The following CPXM2 variants were observed in gnomAD, a reference collection of about 807,000 sequenced individuals.
CPXM2 encodes carboxypeptidase X, M14 family member 2, also known as inactive carboxypeptidase-like protein X2.
A neutral mutation model predicts 86.1 loss-of-function variants in CPXM2; 66 were observed. The observed-to-expected ratio is 0.77, with a 90% CI of 0.63 to 0.94. The LOEUF is 0.94. Ranked by LOEUF, CPXM2 falls within the 40% of genes least tolerant of loss-of-function variation. The pLI is 0.00. For missense variants in CPXM2, 948 were observed against 1,026.3 expected (o/e 0.92, Z 1.04); for synonymous variants, 388 against 400.2 (o/e 0.97, Z 0.36).
At chr10:123,833,976 T>C (rs572877174) in intron 4 of CPXM2, among the ~76,000 whole-genome samples, 1 of 152,288 alleles carries the variant, frequency 6.6e-6, no homozygotes, top group African/African-American at 2.4e-5. Context: ...AATTAACTCA[T>C]TTAATCCCCA....
At chr10:123,918,241 C>A (rs182862190) in intron 2 of CPXM2, among the ~76,000 whole-genome samples, 4 of 152,062 alleles carry the variant, frequency 2.6e-5, no homozygotes, top group Non-Finnish European at 5.9e-5. Flanking sequence ...GACCTAAAAT[C>A]GAATAGGGAG....
chr10:123,822,113 T>G (rs1423171191), intron 4 of CPXM2, among the ~76,000 whole-genome samples: 3 of 152,214 alleles, frequency 2.0e-5, no homozygotes, highest in Non-Finnish European at 4.4e-5. Context: ...TTTTCCACAA[T>G]GGAGCTCAGC....
chr10:123,901,429 TTGTG>T (rs3069582), intron 2 of CPXM2, among the ~76,000 whole-genome samples: 8,330 of 138,924 alleles, frequency 0.06, 287 homozygotes, highest in East Asian at 0.13. Flanking sequence ...CCAAGCAAGT[TTGTG>T]TGTGTGTGTG....
At chr10:123,912,748 T>A (rs1382224769) in intron 2 of CPXM2, among the ~76,000 whole-genome samples, 1 of 152,236 alleles carries the variant, frequency 6.6e-6, no homozygotes, top group Non-Finnish European at 1.5e-5. Context: ...CCCACTTCCA[T>A]CTTTGTGATT....
chr10:123,895,220 T>G (rs1945327453), upstream of CPXM2, among the ~76,000 whole-genome samples: 1 of 149,058 alleles, frequency 6.7e-6, no homozygotes, highest in African/African-American at 2.5e-5. Flanking sequence ...GTCTCCTGGC[T>G]TCAAGCAGTT....
At chr10:123,909,606 A>C (rs1590117341) in intron 2 of CPXM2, among the ~76,000 whole-genome samples, 1 of 152,308 alleles carries the variant, frequency 6.6e-6, no homozygotes, top group East Asian at 1.9e-4. Context: ...TTTCCATTGT[A>C]CGGTACTAAA....
intron 4 of CPXM2, among the ~76,000 whole-genome samples, chr10:123,822,973 A>C (rs1847960964): frequency 6.6e-6 from 1 of 152,198 alleles, no homozygotes; most frequent in African/African-American, 2.4e-5. Context: ...GGAATATATT[A>C]AAAACTGCTG....
intron 2 of CPXM2, among the ~76,000 whole-genome samples, chr10:123,878,751 A>G (rs913208088): frequency 6.6e-6 from 1 of 152,182 alleles, no homozygotes; most frequent in Non-Finnish European, 1.5e-5. Flanking sequence ...GCAGTGAAGA[A>G]GTACCAGGAT....
intron 2 of CPXM2, among the ~76,000 whole-genome samples, chr10:123,913,167 CATAAA>C (rs1219848637): frequency 2.0e-5 from 3 of 152,154 alleles, no homozygotes; most frequent in East Asian, 1.9e-4. Context: ...TGTGTATATA[CATAAA>C]ATAAAAGATG....
intron 13 of CPXM2, chr10:123,752,622 C>A (rs561628813): frequency 7.1e-6 from 7 of 985,022 alleles, no homozygotes; most frequent in Non-Finnish European, 8.4e-6. Context: ...TTTGTTGGCA[C>A]GACAGGATCA....
intron 2 of CPXM2, among the ~76,000 whole-genome samples, chr10:123,930,147 C>T (rs1945655118): frequency 1.3e-5 from 2 of 152,208 alleles, no homozygotes; most frequent in African/African-American, 4.8e-5. Flanking sequence ...CTCACAGTGA[C>T]ACACTTTGAT....
intron 4 of CPXM2, among the ~76,000 whole-genome samples, chr10:123,837,752 G>A (rs569202222): frequency 6.6e-6 from 1 of 152,046 alleles, no homozygotes; most frequent in South Asian, 2.1e-4. Flanking sequence ...TAATGATATT[G>A]GATAATTTAT....
rs973544102 is a variant in CPXM2 at position 123,762,078 on chromosome 10, G to A, written c.1571C>T (p.Ala524Val). The change falls in exon 11 of 14, where the codon GCG (alanine) becomes GTG (valine). Residue 524 changes from alanine to valine, a missense_variant. Physicochemically the swap from Ala to Val is moderately conservative, Grantham distance 64 (BLOSUM62 0). Coordinates refer to ENST00000241305, the MANE Select transcript of CPXM2 (RefSeq NM_198148.3). The part of the protein sequence containing the change: ...GNLQGGELVV[A>V]YPYDLVRSPW... Reference sequence around the variant, plus strand: ...GGACCGCACCAGGTCGTAGGGGTACGCCACCACCAGCTCGCCGCCCTGCAG... The same window carrying A: ...GGACCGCACCAGGTCGTAGGGGTACACCACCACCAGCTCGCCGCCCTGCAG... 9.3e-6 allele frequency: 15 copies of A among 1,613,970 alleles called. No homozygotes were observed. Among genetic ancestry groups the A allele is most frequent in the Admixed American group, 1.7e-5 (1 of 59,998 alleles).
At chr10:123,896,679 G>A (rs55967058), upstream of CPXM2, among the ~76,000 whole-genome samples, 11,022 of 152,178 alleles carry the variant, frequency 0.072, 505 homozygotes, top group Non-Finnish European at 0.09. Context: ...TTTGGCATGA[G>A]ATATTCCATT....
At chr10:123,839,720 G>A (rs932716260) in intron 4 of CPXM2, among the ~76,000 whole-genome samples, 2 of 152,048 alleles carry the variant, frequency 1.3e-5, no homozygotes, top group East Asian at 1.9e-4. Context: ...CATTTTTGAC[G>A]TTTTCTGGAC....
chr10:123,891,725 C>G lies in CPXM2; in HGVS notation c.-66G>C. 3 of 1,231,962 alleles carry G rather than the reference C, an allele frequency of 2.4e-6. No homozygotes were observed. Among genetic ancestry groups the G allele is most frequent in the Non-Finnish European group, 3.1e-6 (3 of 965,036 alleles). 76.3% of individuals were successfully genotyped at this position (1,231,962 alleles called of 1,614,324 possible). A position where few individuals can be genotyped will look rare whatever the true frequency, so the allele number is the denominator to read the frequency against. On this transcript the variant is annotated 5_prime_UTR_variant, in exon 1 of 14. Transcript: ENST00000241305. This position sits in a 1 kb window ranked among gnomAD's most constrained non-coding sequence, Gnocchi z 5.6. The stretch of plus-strand genomic sequence containing the variant: ...GGGGGCGCCGGGCGGGCTGCGGGCG[C>G]AGAAGCTGGCGCGGGGCAAGGGCGC...
chr10:123,929,397 A>C (rs1312011783), intron 2 of CPXM2, among the ~76,000 whole-genome samples: 1 of 152,250 alleles, frequency 6.6e-6, no homozygotes, highest in South Asian at 2.1e-4. Context: ...GGTCAGCACC[A>C]CTGATGGCTT....
At chr10:123,810,006 T>C (rs932265331) in intron 4 of CPXM2, among the ~76,000 whole-genome samples, 8 of 152,092 alleles carry the variant, frequency 5.3e-5, no homozygotes, top group African/African-American at 1.7e-4. Flanking sequence ...ATACTGTTCA[T>C]AGGAAACAGA....
rs537257376 is a variant in CPXM2, at chr10:123,796,618, G to A, written c.889+1358C>T. Among the ~76,000 whole-genome samples the A allele has an allele frequency of 2.6e-3, 391 of 152,258 alleles. 1 individual carries two copies. The highest frequency in any genetic ancestry group is 6.8e-3 in the Middle Eastern group (2 of 294). ...TGGCTAGCAAGATCATGAATACTAC[G>A]GGATTGAGAGAAAAACAATTAAATG... is the stretch of plus-strand genomic sequence containing the variant. On this transcript the variant is annotated intron_variant, in intron 6 of 13. Coordinates refer to ENST00000241305, the MANE Select transcript of CPXM2 (RefSeq NM_198148.3).
Sources: gnomAD v4.1 joint callset for allele counts (sites outside exome capture counted in the v4.1 genomes callset) on GRCh38, gnomAD v4.1.1 for gene constraint, Gnocchi (gnomAD v3.1) non-coding constraint, MANE v1.5 for transcripts, NCBI Gene and HGNC (gene_info 2026-07-23, HGNC 2026-07-21) for gene names.